Variants in GGT5 observed in about 807,000 individuals in gnomAD.
The protein encoded by GGT5 is gamma-glutamyltransferase 5.
GGT5 carries 50 observed loss-of-function variants against 58.1 expected under a neutral mutation model. The ratio of observed to expected loss-of-function variants is 0.86; its 90% CI spans 0.69 to 1.09. GGT5 has a LOEUF of 1.09. Among genes scored for constraint, GGT5 ranks in the 50% least tolerant of loss-of-function variants. The pLI, the probability that GGT5 is intolerant of heterozygous loss-of-function variation, is 0.00. For missense variants in GGT5, 800 were observed against 789.4 expected (o/e 1.01, Z -0.16); for synonymous variants, 370 against 346.1 (o/e 1.07, Z -0.77).
chr22:24,232,562 G>A (rs897130556), intron 4 of GGT5, among the ~76,000 whole-genome samples: 1 of 152,138 alleles, frequency 6.6e-6, no homozygotes, highest in Non-Finnish European at 1.5e-5. Context: ...AGGAGGCCGG[G>A]GCCCCAGGGC....
chr22:24,227,957 G>A (rs755208437), intron 6 of GGT5, among the ~76,000 whole-genome samples: 1 of 148,304 alleles, frequency 6.7e-6, no homozygotes, highest in Non-Finnish European at 1.5e-5. Context: ...GCTGAGGAGG[G>A]AGAATTGCTT....
At chr22:24,221,341 G>T (rs1304079855) in intron 11 of GGT5, among the ~76,000 whole-genome samples, 2 of 150,990 alleles carry the variant, frequency 1.3e-5, no homozygotes, top group Non-Finnish European at 2.9e-5. Context: ...TCCCTAAACT[G>T]CTCTTAAGAT....
At chr22:24,223,205 C>T (rs987645297) in intron 11 of GGT5, among the ~76,000 whole-genome samples, 2 of 152,160 alleles carry the variant, frequency 1.3e-5, no homozygotes, top group Non-Finnish European at 2.9e-5. Context: ...AGCTCAAGAC[C>T]AGCCTGGCCA....
At chr22:24,235,906 C>A (rs1429929368) in intron 1 of GGT5, among the ~76,000 whole-genome samples, 1 of 152,180 alleles carries the variant, frequency 6.6e-6, no homozygotes, top group East Asian at 1.9e-4. Flanking sequence ...CCACCTCGCC[C>A]ACCCTGCCAG....
At chr22:24,238,928 A>G (rs1431632966) in intron 1 of GGT5, among the ~76,000 whole-genome samples, 1 of 26,824 alleles carries the variant, frequency 3.7e-5, no homozygotes, top group African/African-American at 2.0e-4. Flanking sequence ...TATATATAAT[A>G]TATATTATAT....
rs1371002913 is a variant in GGT5 at position 24,220,104 on chromosome 22, C to T, written c.1627G>A (p.Gly543Arg). Residue 543 changes from glycine (G) to arginine (R), a missense_variant, in exon 12 of 12, where the codon GGA becomes AGA. Gly to Arg is a moderately radical substitution (Grantham distance 125). Transcript: ENST00000327365. ...EPNFSQEVQR[G>R]LQDRGQNQTQ... ...TGGTTCTGGCCACGGTCTTGGAGTC[C>T]CCTCTGCACCTCCTGGAGAGGAGAG... The T allele has an allele frequency of 3.1e-6, 5 of 1,614,008 alleles. No homozygotes were observed. The African/African-American group carries it at 6.7e-5, about 22-fold the overall frequency.
intron 6 of GGT5, 121 bp downstream of exon 6, chr22:24,231,263 C>T (rs1382289831): frequency 7.8e-6 from 5 of 643,290 alleles, no homozygotes; most frequent in African/African-American, 6.0e-5. Flanking sequence ...TCTGTGAACC[C>T]GGTTTATGGA....
At chr22:24,226,829 C>T in intron 6 of GGT5, 62 bp from the exon 7 acceptor site, 4 of 1,361,454 alleles carry the variant, frequency 2.9e-6, no homozygotes, top group Non-Finnish European at 4.2e-6. Context: ...TGAATGTTGC[C>T]CCCACCCCCC....
rs1030793569 is a variant in GGT5 at position 24,225,274 on chromosome 22, C to T, written c.1474G>A (p.Gly492Arg). 10 of 1,613,762 alleles carry T rather than the reference C, an allele frequency of 6.2e-6. No homozygotes were observed. The highest frequency in any genetic ancestry group is 1.6e-4 in the Middle Eastern group (1 of 6,062). The stretch of plus-strand genomic sequence containing the variant: ...GCCACAGCAGAGATGATGAGCTCCC[C>T]GCCAGCCCCGCCAATCACTAGCTTC... ...GSKLVIGGAG[G>R]ELIISAVAQA... The change falls in exon 10 of 12, where the codon GGG becomes AGG. Residue 492 changes from glycine to arginine, a missense_variant. Physicochemically the swap from Gly to Arg is moderately radical, Grantham distance 125. Coordinates refer to ENST00000327365, the MANE Select transcript of GGT5 (RefSeq NM_004121.5).
chr22:24,235,460 C>G (rs2048070245), intron 1 of GGT5, among the ~76,000 whole-genome samples: 2 of 151,876 alleles, frequency 1.3e-5, no homozygotes, highest in Non-Finnish European at 2.9e-5. Flanking sequence ...CTGGCCCTAG[C>G]ACCCTCCTTT....
chr22:24,223,065 G>C (rs1364700624), intron 11 of GGT5, among the ~76,000 whole-genome samples: 1 of 151,182 alleles, frequency 6.6e-6, no homozygotes, highest in Non-Finnish European at 1.5e-5. Flanking sequence ...ACGCCAGCCT[G>C]GGCAACAGAG....
chr22:24,240,755 A>T (rs944744513), intron 1 of GGT5, among the ~76,000 whole-genome samples: 2 of 152,146 alleles, frequency 1.3e-5, no homozygotes, highest in African/African-American at 4.8e-5. Context: ...GACCTCCCAA[A>T]GTGCCAATTA....
Position 24,223,561 on chromosome 22 carries a change from A to G in GGT5, c.1614+1435T>C, listed in dbSNP as rs116644676. ...TGCGGAGGGAGGCCTGCAAACTCCAAGAGTTTGAGCCTAACAGGCTGAGGT... is the reference window on the plus strand; with the variant it reads ...TGCGGAGGGAGGCCTGCAAACTCCAGGAGTTTGAGCCTAACAGGCTGAGGT... On this transcript the variant is annotated intron_variant, in intron 11 of 11. Coordinates refer to ENST00000327365, the MANE Select transcript of GGT5 (RefSeq NM_004121.5). 4.3e-3 allele frequency among the ~76,000 whole-genome samples: 650 copies of G among 152,126 alleles called. 10 individuals are homozygous for G. The highest frequency in any genetic ancestry group is 0.015 in the African/African-American group (613 of 41,488).
At chr22:24,233,147 C>A (rs888756007) in intron 3 of GGT5, 129 bp from the exon 4 acceptor site, 4 of 695,794 alleles carry the variant, frequency 5.7e-6, no homozygotes, top group African/African-American at 1.8e-5. Flanking sequence ...CCGACCACGT[C>A]CCTCCCTGCT....
chr22:24,231,248 G>T lies in GGT5; in HGVS notation c.901+136C>A. On this transcript the variant is annotated intron_variant, in intron 6 of 11. Coordinates refer to ENST00000327365, the MANE Select transcript of GGT5 (RefSeq NM_004121.5). The stretch of plus-strand genomic sequence containing the variant: ...GTTTCCACAGCTCTGTCTTCATATT[G>T]TGCATCTGTGAACCCGGTTTATGGA... 6.4e-6 allele frequency: 4 copies of T among 629,746 alleles called. No individual in the cohort carries two copies. The South Asian group carries it at 7.3e-5, about 11-fold the overall frequency. The allele number at this position is 629,746 out of a possible 1,614,324, so 39.0% of individuals were successfully genotyped here.
At position 24,219,787 on chromosome 22, in the gene GGT5, G is replaced by T. The variant is rs1488854447; in HGVS notation, c.*183C>A. The stretch of plus-strand genomic sequence containing the variant: ...AGGACCACCAGGGGCTCTGGGAAAG[G>T]GGGTTAGGGATGAGGCTCAGCCTCT... On this transcript the variant is annotated 3_prime_UTR_variant, in exon 12 of 12. Coordinates refer to ENST00000327365, the MANE Select transcript of GGT5 (RefSeq NM_004121.5). The T allele has an allele frequency of 3.3e-6, 2 of 606,410 alleles. No individual in the cohort carries two copies. The highest frequency in any genetic ancestry group is 2.9e-6 in the Non-Finnish European group (1 of 346,790). The allele number at this position is 606,410 out of a possible 1,614,324, so 37.6% of individuals were successfully genotyped here.
chr22:24,238,831 ATTT>A (rs1456933358), intron 1 of GGT5, among the ~76,000 whole-genome samples: 3 of 9,066 alleles, frequency 3.3e-4, no homozygotes, highest in African/African-American at 7.4e-4. Flanking sequence ...ATATATATAT[ATTT>A]ATATATATAT....
intron 1 of GGT5, chr22:24,243,415 C>CTGGAG (rs896819509): frequency 4.0e-5 from 6 of 151,354 alleles, no homozygotes; most frequent in Middle Eastern, 3.4e-3. Context: ...TCAGGAGGGG[C>CTGGAG]GGGGGGTGGC....
intron 6 of GGT5, 97 bp downstream of exon 6, chr22:24,231,287 C>T (rs960286028): frequency 1.3e-6 from 1 of 753,700 alleles, no homozygotes. Flanking sequence ...GGAGGCTGAG[C>T]TGGGCCTTGG....
Sources: gnomAD v4.1 joint callset for allele counts (sites outside exome capture counted in the v4.1 genomes callset) on GRCh38, gnomAD v4.1.1 for gene constraint, MANE v1.5 for transcripts, NCBI Gene and HGNC (gene_info 2026-07-23, HGNC 2026-07-21) for gene names.